The following EFCAB8 variants were observed in gnomAD, a reference collection of about 807,000 sequenced individuals.
The protein encoded by EFCAB8 is EF-hand calcium-binding domain-containing protein 8.
EFCAB8 carries 100 observed loss-of-function variants against 116.3 expected under a neutral mutation model. The ratio of observed to expected loss-of-function variants is 0.86; its 90% CI spans 0.73 to 1.02. The LOEUF is 1.02. EFCAB8 is among the 50% of genes least tolerant of loss of function. The pLI is 0.00. For missense variants in EFCAB8, 1,320 were observed against 1,416.9 expected (o/e 0.93, Z 1.10); for synonymous variants, 558 against 567.9 (o/e 0.98, Z 0.25).
At chr20:32,940,853 A>C (rs968157420) in intron 22 of EFCAB8, among the ~76,000 whole-genome samples, 13 of 150,100 alleles carry the variant, frequency 8.7e-5, no homozygotes, top group Non-Finnish European at 3.0e-5. Context: ...AATGCATATT[A>C]AAACTATAAT....
intron 1 of EFCAB8, 69 bp from the exon 2 acceptor site, chr20:32,863,714 G>A: frequency 6.8e-7 from 1 of 1,480,550 alleles, no homozygotes; most frequent in Non-Finnish European, 9.1e-7. Context: ...TCTGTGACCT[G>A]GCTAAGTCAG....
At chr20:32,935,357 C>T (rs1988078535) in intron 22 of EFCAB8, among the ~76,000 whole-genome samples, 1 of 151,480 alleles carries the variant, frequency 6.6e-6, no homozygotes, top group South Asian at 2.1e-4. Context: ...CAGGCTACCA[C>T]ACCCGGCTAA....
chr20:32,884,608 C>T lies in EFCAB8; in HGVS notation c.432-897C>T, dbSNP rs538031624. On this transcript the variant is annotated intron_variant, in intron 5 of 26. Coordinates refer to ENST00000400522, the MANE Select transcript of EFCAB8 (RefSeq NM_001143967.2). Reference sequence around the variant, plus strand: ...ACAGTGGCTTGGGTTATCCTTAAGCCCAGGGTCAGACCAGGCCTACCGGAT... The same window carrying T: ...ACAGTGGCTTGGGTTATCCTTAAGCTCAGGGTCAGACCAGGCCTACCGGAT... Among the ~76,000 whole-genome samples the T allele has an allele frequency of 2.0e-5, 3 of 152,182 alleles. No individual in the cohort carries two copies. In the South Asian group the frequency reaches 6.2e-4, roughly 32 times the overall value.
rs1986932669 is a variant in EFCAB8, at chr20:32,911,708, G to A, written c.1785+1G>A. The A allele has an allele frequency of 6.4e-7, 1 of 1,551,562 alleles. No individual in the cohort carries two copies. Among genetic ancestry groups the A allele is most frequent in the Non-Finnish European group, 8.7e-7 (1 of 1,146,984 alleles). ...CTTTCCCAGTCCGGAACAGCTGGAG[G>A]TCAGTCTTGCTTGTCAATTACAGCC... is the stretch of plus-strand genomic sequence containing the variant. On this transcript the variant is annotated splice_donor_variant, in intron 16 of 26. Transcript: ENST00000400522. LOFTEE classifies it high-confidence loss of function.
In EFCAB8 at chr20:32,906,490, A is replaced by G. The variant is rs374653923; in HGVS notation, c.1089-72A>G. 2.5e-5 allele frequency: 18 copies of G among 714,222 alleles called. 1 individual carries two copies. The African/African-American group carries it at 2.8e-4, about 11-fold the overall frequency. 44.2% of individuals were successfully genotyped at this position (714,222 alleles called of 1,614,324 possible). A position where few individuals can be genotyped will look rare whatever the true frequency, so the allele number is the denominator to read the frequency against. ...CTCTGCCTCTAGCTCCTCCCACCCC[A>G]GGCTCAGTCTCAGACGCTCTCTTGG... On this transcript the variant is annotated intron_variant, in intron 11 of 26. Coordinates refer to ENST00000400522, the MANE Select transcript of EFCAB8 (RefSeq NM_001143967.2).
intron 1 of EFCAB8, among the ~76,000 whole-genome samples, chr20:32,860,748 T>C (rs956818335): frequency 5.9e-5 from 9 of 152,024 alleles, no homozygotes; most frequent in Admixed American, 6.6e-5. Context: ...TATTTATTTA[T>C]TTTTTTGAGA....
rs1988476999 is a variant in EFCAB8 at position 32,943,663 on chromosome 20, G to C, written c.2818G>C (p.Val940Leu). 1 of 416,952 alleles carries C rather than the reference G, an allele frequency of 2.4e-6. No individual in the cohort carries two copies. 25.8% of individuals were successfully genotyped at this position (416,952 alleles called of 1,614,324 possible). A position where few individuals can be genotyped will look rare whatever the true frequency, so the allele number is the denominator to read the frequency against. Residue 940 changes from valine (V) to leucine (L), a missense_variant, in exon 23 of 27, where the codon GTT (valine) becomes CTT (leucine). Coordinates refer to ENST00000400522, the MANE Select transcript of EFCAB8 (RefSeq NM_001143967.2). ...EVVAGHTISLVPPTLLMTWKG... is the reference protein window; with the variant it reads ...EVVAGHTISLLPPTLLMTWKG... ...TGTGGCTGGCCATACCATTTCCCTG[G>C]TTCCCCCCACGCTCCTGATGACCTG...
At chr20:32,883,323 AG>A (rs1490547896) in intron 5 of EFCAB8, among the ~76,000 whole-genome samples, 1 of 152,186 alleles carries the variant, frequency 6.6e-6, no homozygotes, top group Non-Finnish European at 1.5e-5. Context: ...CCTAGTCCAA[AG>A]TCCCAGTAGC....
chr20:32,961,060 T>C (rs2146309751), intron 26 of EFCAB8, 76 bp from the exon 27 acceptor site: 5 of 1,324,398 alleles, frequency 3.8e-6, no homozygotes, highest in Non-Finnish European at 5.3e-6. Context: ...CTCCTTCCTG[T>C]GAGTCTACTC....
At chr20:32,902,703 G>C (rs1410832145) in intron 11 of EFCAB8, among the ~76,000 whole-genome samples, 4 of 152,200 alleles carry the variant, frequency 2.6e-5, no homozygotes, top group Non-Finnish European at 4.4e-5. Flanking sequence ...CCGTTTTGGC[G>C]ATGCCATCTT....
At chr20:32,889,607 C>T (rs929963402) in intron 7 of EFCAB8, among the ~76,000 whole-genome samples, 2 of 152,058 alleles carry the variant, frequency 1.3e-5, no homozygotes, top group African/African-American at 4.8e-5. Context: ...TTGAACAGAC[C>T]CAAATTTACA....
chr20:32,940,041 C>CTTCT (rs1988354083), intron 22 of EFCAB8, among the ~76,000 whole-genome samples: 6 of 114,902 alleles, frequency 5.2e-5, no homozygotes, highest in Admixed American at 2.6e-4. Context: ...TCCTTCCTTC[C>CTTCT]TTCCTTCCTT....
At chr20:32,926,185 C>T (rs1207018055) in intron 20 of EFCAB8, among the ~76,000 whole-genome samples, 1 of 152,200 alleles carries the variant, frequency 6.6e-6, no homozygotes, top group Admixed American at 6.5e-5. Flanking sequence ...TCAGCTTTTC[C>T]CCAGTTCAGA....
chr20:32,944,471 A>T (rs11908197), intron 23 of EFCAB8, among the ~76,000 whole-genome samples: 5,382 of 152,144 alleles, frequency 0.035, 312 homozygotes, highest in African/African-American at 0.12. Flanking sequence ...TCTAAAAAAA[A>T]AATAATAATA....
At chr20:32,917,561 TCCTGTGGGGCAGGGAGGGTGGGGAGCAC>T in intron 18 of EFCAB8, 56 bp downstream of exon 18, 1 of 501,306 alleles carries the variant, frequency 2.0e-6, no homozygotes, top group Non-Finnish European at 3.8e-6. Context: ...TGAACCAGAA[TCCTGTGGGGCAGGGAGGGTGGGGAGCAC>T]CCTGGGAAGC....
intron 4 of EFCAB8, 145 bp from the exon 5 acceptor site, chr20:32,878,559 G>A (rs1271399216): frequency 6.9e-6 from 3 of 436,304 alleles, no homozygotes; most frequent in South Asian, 5.8e-5. Context: ...CGCCCAGGTC[G>A]GACTGCGGAC....
chr20:32,919,558 G>A (rs184999885), intron 19 of EFCAB8, among the ~76,000 whole-genome samples: 9 of 152,152 alleles, frequency 5.9e-5, no homozygotes, highest in East Asian at 3.9e-4. Flanking sequence ...GTGCAGTGGC[G>A]TGGTCTTCGC....
chr20:32,879,569 T>C (rs12480123), intron 5 of EFCAB8, among the ~76,000 whole-genome samples: 98,833 of 151,820 alleles, frequency 0.65, 32,601 homozygotes, highest in Middle Eastern at 0.75. Flanking sequence ...CGGGAGCCTC[T>C]GTAGGAAATG....
chr20:32,946,686 AGT>A (rs1988605838), intron 23 of EFCAB8, among the ~76,000 whole-genome samples: 1 of 152,214 alleles, frequency 6.6e-6, no homozygotes, highest in South Asian at 2.1e-4. Context: ...ACCTTTTAAA[AGT>A]ATATAGTTCT....
Sources: gnomAD v4.1 joint callset for allele counts (sites outside exome capture counted in the v4.1 genomes callset) on GRCh38, gnomAD v4.1.1 for gene constraint, MANE v1.5 for transcripts, NCBI Gene and HGNC (gene_info 2026-07-23, HGNC 2026-07-21) for gene names.